The following CIPC variants were observed in gnomAD, a reference collection of about 807,000 sequenced individuals.
CIPC encodes CLOCK-interacting pacemaker.
A neutral mutation model predicts 26.7 loss-of-function variants in CIPC; 12 were observed. The observed-to-expected ratio is 0.45, with a 90% CI of 0.29 to 0.73. The LOEUF is 0.73. CIPC is among the 30% of genes least tolerant of loss of function. The pLI is 0.12. For synonymous variants in CIPC, 170 were observed against 189.8 expected, an observed-to-expected ratio of 0.90 and a Z score of 0.86; for missense variants, 417 against 486.5, an observed-to-expected ratio of 0.86 and a Z score of 1.34.
At chr14:77,109,125 T>A (rs1886646137) in intron 2 of CIPC, among the ~76,000 whole-genome samples, 1 of 152,222 alleles carries the variant, frequency 6.6e-6, no homozygotes, top group Non-Finnish European at 1.5e-5. Flanking sequence ...TCATTTGTTT[T>A]CAGTCTAATG....
chr14:77,114,279 C>T lies in CIPC; in HGVS notation c.1161C>T (p.Gly387=). ...ASLTPGSSNT[G]SDLEAFSDHP... ...TAACACCTGGGTCCAGTAATACAGG[C>T]AGTGACCTAGAAGCATTCTCTGATC... Residue 387 remains glycine, a synonymous_variant, in exon 4 of 4, where the codon GGC becomes GGT. Coordinates refer to ENST00000361786, the MANE Select transcript of CIPC (RefSeq NM_033426.3). 6.2e-7 allele frequency: 1 copy of T among 1,613,462 alleles called. No homozygotes were observed. Among genetic ancestry groups the T allele is most frequent in the Non-Finnish European group, 8.5e-7 (1 of 1,179,812 alleles).
At chr14:77,109,269 A>G (rs1050444673) in intron 2 of CIPC, among the ~76,000 whole-genome samples, 4 of 152,174 alleles carry the variant, frequency 2.6e-5, no homozygotes, top group Admixed American at 2.6e-4. Flanking sequence ...ATCACTGGAG[A>G]TTCTAAATCA....
intron 1 of CIPC, among the ~76,000 whole-genome samples, chr14:77,100,593 C>A (rs1392898912): frequency 1.3e-5 from 2 of 148,704 alleles, no homozygotes; most frequent in Non-Finnish European, 3.0e-5. Context: ...TTTCTTTTGA[C>A]GGAGTCTCAC....
Position 77,114,259 on chromosome 14 carries a change from C to T in CIPC, c.1141C>T (p.Pro381Ser), listed in dbSNP as rs1051232757. The T allele has an allele frequency of 1.2e-6, 2 of 1,613,872 alleles. No individual in the cohort carries two copies. The highest frequency in any genetic ancestry group is 1.1e-5 in the South Asian group (1 of 91,072). ...AWAKLQASLT[P>S]GSSNTGSDLE... ...GGCCAAGCTGCAGGCATCTTTAACA[C>T]CTGGGTCCAGTAATACAGGCAGTGA... The change falls in exon 4 of 4, where the codon CCT becomes TCT. Residue 381 changes from proline to serine, a missense_variant. Coordinates refer to ENST00000361786, the MANE Select transcript of CIPC (RefSeq NM_033426.3).
At position 77,114,072 on chromosome 14, in the gene CIPC, G is replaced by A; in HGVS notation, c.954G>A (p.Gln318=). Residue 318 remains glutamine, a synonymous_variant, in exon 4 of 4, where the codon CAG becomes CAA. Coordinates refer to ENST00000361786, the MANE Select transcript of CIPC (RefSeq NM_033426.3). The part of the protein sequence containing the change: ...EQRQSKHRRF[Q]NTLVVLHKSG... ...GGCAGAGCAAACATAGGCGCTTTCAGAATACCCTAGTAGTCCTACATAAAT... is the reference window on the plus strand; with the variant it reads ...GGCAGAGCAAACATAGGCGCTTTCAAAATACCCTAGTAGTCCTACATAAAT... The A allele has an allele frequency of 6.2e-7, 1 of 1,614,160 alleles. No individual in the cohort carries two copies. Among genetic ancestry groups the A allele is most frequent in the Non-Finnish European group, 8.5e-7 (1 of 1,180,036 alleles).
chr14:77,111,265 G>GT (rs2140033999), intron 3 of CIPC, among the ~76,000 whole-genome samples: 1 of 152,318 alleles, frequency 6.6e-6, no homozygotes. Flanking sequence ...CACACACACA[G>GT]TTACGGAGTG....
intron 2 of CIPC, among the ~76,000 whole-genome samples, chr14:77,106,891 G>T (rs1441856129): frequency 6.6e-6 from 1 of 152,314 alleles, no homozygotes; most frequent in South Asian, 2.1e-4. Flanking sequence ...GTCCAGGGAA[G>T]GGCGGGCCAA....
intron 1 of CIPC, chr14:77,099,838 G>A (rs1039805307): frequency 1.3e-5 from 2 of 152,078 alleles, no homozygotes; most frequent in Non-Finnish European, 2.9e-5. Context: ...TGTCCCTGAC[G>A]TTTCAACTTA....
chr14:77,111,572 T>C (rs371160512), intron 3 of CIPC, among the ~76,000 whole-genome samples: 3 of 152,366 alleles, frequency 2.0e-5, no homozygotes, highest in African/African-American at 7.2e-5. Flanking sequence ...ATCTTGTACA[T>C]AATTAACCAC....
At chr14:77,100,007 A>C (rs996699253) in intron 1 of CIPC, 1 of 151,518 alleles carries the variant, frequency 6.6e-6, no homozygotes, top group Non-Finnish European at 1.5e-5. Flanking sequence ...GAGACTCAGC[A>C]GGTCAGAGAT....
Position 77,114,394 on chromosome 14 carries a change from C to T in CIPC, c.*76C>T. The T allele has an allele frequency of 7.0e-7, 1 of 1,422,936 alleles. No homozygotes were observed. The highest frequency in any genetic ancestry group is 9.5e-7 in the Non-Finnish European group (1 of 1,050,080). The allele number at this position is 1,422,936 out of a possible 1,614,324, so 88.1% of individuals were successfully genotyped here. ...TGTTACCTACTCCTGTTTCCCAAAG[C>T]TTATGTAAGAGCTTTTCCTTCTAAA... is the stretch of plus-strand genomic sequence containing the variant. On this transcript the variant is annotated 3_prime_UTR_variant, in exon 4 of 4. Coordinates refer to ENST00000361786, the MANE Select transcript of CIPC (RefSeq NM_033426.3).
At chr14:77,107,658 A>T (rs2655990) in intron 2 of CIPC, among the ~76,000 whole-genome samples, 99,239 of 145,052 alleles carry the variant, frequency 0.68, 34,371 homozygotes, top group Non-Finnish European at 0.77. Flanking sequence ...ACACACACAC[A>T]CTCTCTCTCT....
At position 77,113,945 on chromosome 14, in the gene CIPC, T is replaced by G. The variant is rs1196637520; in HGVS notation, c.827T>G (p.Leu276Ter). The G allele has an allele frequency of 6.2e-6, 10 of 1,614,220 alleles. No homozygotes were observed. The highest frequency in any genetic ancestry group is 8.5e-6 in the Non-Finnish European group (10 of 1,180,040). ...GCATCAGACAGCACTCTCCATGGGTTAGAGAGCAACTCTCCCCTTTCACCA... is the reference window on the plus strand; with the variant it reads ...GCATCAGACAGCACTCTCCATGGGTGAGAGAGCAACTCTCCCCTTTCACCA... Reference protein sequence around the residue: ...VCASDSTLHGLESNSPLSPLS... With the variant: ...VCASDSTLHG Residue 276 changes from leucine to a stop codon, truncating the protein, a stop_gained, in exon 4 of 4, where the codon TTA (leucine) becomes TGA (stop). Coordinates refer to ENST00000361786, the MANE Select transcript of CIPC (RefSeq NM_033426.3). LOFTEE classifies it high-confidence loss of function.
intron 2 of CIPC, among the ~76,000 whole-genome samples, chr14:77,107,630 AC>A (rs1244749590): frequency 2.4e-5 from 1 of 42,410 alleles, no homozygotes; most frequent in Non-Finnish European, 6.1e-5. Flanking sequence ...CTCTCTTTAC[AC>A]ACACACACAC....
chr14:77,107,124 CT>C (rs1886605502), intron 2 of CIPC, among the ~76,000 whole-genome samples: 1 of 152,186 alleles, frequency 6.6e-6, no homozygotes, highest in Admixed American at 6.5e-5. Context: ...CCTAGTGCCT[CT>C]TTTTTTCTTT....
At chr14:77,109,406 C>T (rs766419725) in intron 2 of CIPC, among the ~76,000 whole-genome samples, 17 of 152,118 alleles carry the variant, frequency 1.1e-4, no homozygotes, top group Non-Finnish European at 1.9e-4. Flanking sequence ...GTACCCAGAG[C>T]CTCTGAAGGT....
Position 77,114,077 on chromosome 14 carries a change from C to T in CIPC, c.959C>T (p.Thr320Ile). 3 of 1,614,136 alleles carry T rather than the reference C, an allele frequency of 1.9e-6. No homozygotes were observed. Among genetic ancestry groups the T allele is most frequent in the Non-Finnish European group, 2.5e-6 (3 of 1,180,028 alleles). Residue 320 changes from threonine to isoleucine, a missense_variant, in exon 4 of 4, where the codon ACC (threonine) becomes ATC (isoleucine). Thr to Ile is a moderately conservative substitution (Grantham distance 89, BLOSUM62 -1). Transcript: ENST00000361786. The part of the protein sequence containing the change: ...RQSKHRRFQN[T>I]LVVLHKSGLL... ...AGCAAACATAGGCGCTTTCAGAATA[C>T]CCTAGTAGTCCTACATAAATCTGGT...
intron 1 of CIPC, among the ~76,000 whole-genome samples, chr14:77,100,267 A>G (rs1301205467): frequency 1.6e-5 from 2 of 125,800 alleles, no homozygotes; most frequent in Admixed American, 1.9e-4. Flanking sequence ...TTTGAGACGG[A>G]GTCTCACTCT....
chr14:77,113,593 T>G lies in CIPC; in HGVS notation c.475T>G (p.Ser159Ala). Residue 159 changes from serine to alanine, a missense_variant, in exon 4 of 4, where the codon TCT becomes GCT. Coordinates refer to ENST00000361786, the MANE Select transcript of CIPC (RefSeq NM_033426.3). ...DSRNYLPILN[S>A]YTKIAPHPGK... is the part of the protein sequence containing the mutation. ...CAGGAACTACTTGCCCATTCTGAATTCTTACACCAAAATAGCCCCACATCC... is the reference window on the plus strand; with the variant it reads ...CAGGAACTACTTGCCCATTCTGAATGCTTACACCAAAATAGCCCCACATCC... 6.2e-7 allele frequency: 1 copy of G among 1,614,216 alleles called. No individual in the cohort carries two copies. The highest frequency in any genetic ancestry group is 1.1e-5 in the South Asian group (1 of 91,074).
Sources: gnomAD v4.1 joint callset for allele counts (sites outside exome capture counted in the v4.1 genomes callset) on GRCh38, gnomAD v4.1.1 for gene constraint, MANE v1.5 for transcripts, NCBI Gene and HGNC (gene_info 2026-07-23, HGNC 2026-07-21) for gene names.